Variants in RAP1GAP2 observed in about 807,000 individuals in gnomAD.
The protein encoded by RAP1GAP2 is rap1 GTPase-activating protein 2.
Under a neutral mutation model 95.0 loss-of-function variants are expected in RAP1GAP2, and 27 were observed. The ratio of observed to expected loss-of-function variants is 0.28; its 90% CI spans 0.21 to 0.39. The LOEUF (loss-of-function observed/expected upper bound fraction) is 0.39, where lower values mean the gene tolerates loss of function less well. Ranked by LOEUF, RAP1GAP2 falls within the 10% of genes least tolerant of loss-of-function variation. The probability of loss-of-function intolerance (pLI) is 1.00; values close to 1 mark genes in which losing one functional copy is unlikely to be tolerated. For synonymous variants in RAP1GAP2, 373 were observed against 380.9 expected, an observed-to-expected ratio of 0.98 and a Z score of 0.24; for missense variants, 771 against 970.0, an observed-to-expected ratio of 0.79 and a Z score of 2.72.
Position 3,004,439 on chromosome 17 carries a change from C to A in RAP1GAP2, c.1201-930C>A, listed in dbSNP as rs1002446687. On this transcript the variant is annotated intron_variant, in intron 14 of 24. Coordinates refer to ENST00000254695, the MANE Select transcript of RAP1GAP2 (RefSeq NM_015085.5). This position sits in a 1 kb window ranked among gnomAD's most constrained non-coding sequence, Gnocchi z 4.1. Reference sequence around the variant, plus strand: ...TCACAGGCCGGGGAGGCTGGCAGCACGCCAGGGCTGGGCTCACGTCAGCGG... The same window carrying A: ...TCACAGGCCGGGGAGGCTGGCAGCAAGCCAGGGCTGGGCTCACGTCAGCGG... 6.6e-6 allele frequency among the ~76,000 whole-genome samples: 1 copy of A among 152,230 alleles called. No individual in the cohort carries two copies. Among genetic ancestry groups the A allele is most frequent in the Non-Finnish European group, 1.5e-5 (1 of 68,048 alleles).
At chr17:2,922,832 GT>G (rs1182641512) in intron 3 of RAP1GAP2, among the ~76,000 whole-genome samples, 4,921 of 74,978 alleles carry the variant, frequency 0.066, 124 homozygotes, top group African/African-American at 0.14. Context: ...TTTTGTTTTT[GT>G]TTTTTTTTTT....
chr17:2,964,645 T>G (rs181567982), intron 7 of RAP1GAP2: 1 of 154,128 alleles, frequency 6.5e-6, no homozygotes, highest in African/African-American at 2.4e-5. Context: ...GGCTGGAGTT[T>G]TGACTGTTCG....
intron 2 of RAP1GAP2, among the ~76,000 whole-genome samples, chr17:2,849,336 C>T (rs771482180): frequency 3.2e-4 from 48 of 152,182 alleles, no homozygotes; most frequent in Non-Finnish European, 5.6e-4. Flanking sequence ...AGCAGTGGGG[C>T]GCTGGGAGTT....
chr17:3,026,833 G>A, intron 21 of RAP1GAP2, 111 bp from the exon 22 acceptor site: 2 of 1,353,070 alleles, frequency 1.5e-6, no homozygotes, highest in Non-Finnish European at 2.0e-6. Context: ...GCAGGCCCAA[G>A]TGGGGAGCAG....
intron 8 of RAP1GAP2, among the ~76,000 whole-genome samples, chr17:2,969,464 A>G (rs139195127): frequency 3.3e-5 from 5 of 150,662 alleles, no homozygotes; most frequent in Admixed American, 2.6e-4. Context: ...ATAAATAAAT[A>G]AGATATGTAA....
chr17:3,026,473 G>T lies in RAP1GAP2; in HGVS notation c.1980+9G>T. The T allele has an allele frequency of 1.3e-6, 2 of 1,539,906 alleles. No homozygotes were observed. The highest frequency in any genetic ancestry group is 1.8e-6 in the Non-Finnish European group (2 of 1,139,256). On this transcript the variant is annotated intron_variant, in intron 21 of 24. Coordinates refer to ENST00000254695, the MANE Select transcript of RAP1GAP2 (RefSeq NM_015085.5). ...AGGAGGGCGACAGTGGGGTAGGTGTGCCCCGTCCACCCTTGGGCAGGCACT... is the reference window on the plus strand; with the variant it reads ...AGGAGGGCGACAGTGGGGTAGGTGTTCCCCGTCCACCCTTGGGCAGGCACT...
intron 1 of RAP1GAP2, among the ~76,000 whole-genome samples, chr17:2,784,992 G>A (rs148051372): frequency 1.3e-5 from 2 of 152,316 alleles, no homozygotes; most frequent in South Asian, 2.1e-4. Context: ...TGTCCCTGCC[G>A]CCTGCTTCCA....
chr17:2,943,310 G>A, intron 3 of RAP1GAP2, among the ~76,000 whole-genome samples: 1 of 152,160 alleles, frequency 6.6e-6, no homozygotes, highest in East Asian at 1.9e-4. Flanking sequence ...TATCAGATAA[G>A]GGGTCAGTTT....
chr17:2,902,300 T>A lies in RAP1GAP2; in HGVS notation c.81-2984T>A, dbSNP rs1395283292. On this transcript the variant is annotated intron_variant, in intron 2 of 24. Coordinates refer to ENST00000254695, the MANE Select transcript of RAP1GAP2 (RefSeq NM_015085.5). This position sits in a 1 kb window ranked among gnomAD's most constrained non-coding sequence, Gnocchi z 4.1. ...GGCACGATCTCAGCTCACTGCAACC[T>A]CCACCTCTTGGGTTCAAGCGATTCT... is the stretch of plus-strand genomic sequence containing the variant. 1.3e-5 allele frequency among the ~76,000 whole-genome samples: 2 copies of A among 151,430 alleles called. No homozygotes were observed. Among genetic ancestry groups the A allele is most frequent in the Non-Finnish European group, 2.9e-5 (2 of 67,888 alleles).
At chr17:2,778,333 C>A (rs1346456105) in intron 1 of RAP1GAP2, among the ~76,000 whole-genome samples, 1 of 152,052 alleles carries the variant, frequency 6.6e-6, no homozygotes, top group Non-Finnish European at 1.5e-5. Flanking sequence ...AGCTGAAGTG[C>A]TACAGCAGCC....
At chr17:2,981,139 C>T in intron 9 of RAP1GAP2, 56 bp from the exon 10 acceptor site, 5 of 1,526,272 alleles carry the variant, frequency 3.3e-6, no homozygotes, top group Non-Finnish European at 4.5e-6. Context: ...GGCAGAGGAG[C>T]CCAGATGTCC....
intron 2 of RAP1GAP2, among the ~76,000 whole-genome samples, chr17:2,842,174 A>G (rs1010349107): frequency 9.2e-5 from 14 of 152,160 alleles, no homozygotes; most frequent in African/African-American, 3.4e-4. Flanking sequence ...CTTGGGTAAT[A>G]GGTGAATATT....
chr17:2,970,194 A>AACCCGG (rs1271030183), intron 8 of RAP1GAP2, among the ~76,000 whole-genome samples: 1 of 147,494 alleles, frequency 6.8e-6, no homozygotes, highest in Non-Finnish European at 1.5e-5. Flanking sequence ...GAATCACTTG[A>AACCCGG]ACCCGGGATG....
intron 2 of RAP1GAP2, among the ~76,000 whole-genome samples, chr17:2,809,773 G>C (rs1438552158): frequency 6.6e-6 from 1 of 152,176 alleles, no homozygotes; most frequent in African/African-American, 2.4e-5. Context: ...GGTGCTTCTT[G>C]TCTACACACT....
chr17:2,760,292 C>CAAAAAAAAAAAAAAAAAAA (rs374784170), intron 1 of RAP1GAP2, among the ~76,000 whole-genome samples: 2 of 59,264 alleles, frequency 3.4e-5, no homozygotes, highest in Non-Finnish European at 6.5e-5. Context: ...GACTCTGTCT[C>CAAAAAAAAAAAAAAAAAAA]AAAAAAAAAA....
chr17:2,783,651 A>G (rs2068707573), intron 1 of RAP1GAP2, among the ~76,000 whole-genome samples: 1 of 152,162 alleles, frequency 6.6e-6, no homozygotes, highest in African/African-American at 2.4e-5. Context: ...AAACCACCCA[A>G]AGCTTATGGC....
chr17:2,916,816 C>T (rs2042586108), intron 3 of RAP1GAP2, among the ~76,000 whole-genome samples: 1 of 152,174 alleles, frequency 6.6e-6, no homozygotes, highest in South Asian at 2.1e-4. Flanking sequence ...CAGGGCTTCT[C>T]TCTAGGGAAC....
At position 2,968,107 on chromosome 17, in the gene RAP1GAP2, G is replaced by A. The variant is rs538319019; in HGVS notation, c.596+2464G>A. On this transcript the variant is annotated intron_variant, in intron 8 of 24. Coordinates refer to ENST00000254695, the MANE Select transcript of RAP1GAP2 (RefSeq NM_015085.5). ...AAGTATTTACTTTTACAGAAAGCCA[G>A]GTGAATTTGAGAGATTTATTAACTT... 2.0e-5 allele frequency among the ~76,000 whole-genome samples: 3 copies of A among 152,258 alleles called. No individual in the cohort carries two copies. In the East Asian group the frequency reaches 5.8e-4, roughly 29 times the overall value.
At position 2,797,598 on chromosome 17, in the gene RAP1GAP2, GT is replaced by G. The variant is rs2069132103; in HGVS notation, c.44+1028del. 4.2e-6 allele frequency: 3 copies of G among 712,076 alleles called. No homozygotes were observed. In the South Asian group the frequency reaches 1.9e-4, roughly 45 times the overall value. The allele number at this position is 712,076 out of a possible 1,614,324, so 44.1% of individuals were successfully genotyped here. ...CCTCGGTAATTTTTCGCTTCCGTGTGTGTGGCTTATTTCCCTCTTCCTCCTC... is the reference window on the plus strand; with the variant it reads ...CCTCGGTAATTTTTCGCTTCCGTGTGGTGGCTTATTTCCCTCTTCCTCCTC... On this transcript the variant is annotated intron_variant, in intron 1 of 24. Coordinates refer to ENST00000254695, the MANE Select transcript of RAP1GAP2 (RefSeq NM_015085.5). The surrounding 1 kb of genome is among the most constrained non-coding windows in gnomAD (Gnocchi z 5.6).
Sources: gnomAD v4.1 joint callset for allele counts (sites outside exome capture counted in the v4.1 genomes callset) on GRCh38, gnomAD v4.1.1 for gene constraint, Gnocchi (gnomAD v3.1) non-coding constraint, MANE v1.5 for transcripts, NCBI Gene and HGNC (gene_info 2026-07-23, HGNC 2026-07-21) for gene names.